The following EPC2 variants were observed in gnomAD, a reference collection of about 807,000 sequenced individuals.
EPC2 encodes enhancer of polycomb homolog 2.
Under a neutral mutation model 92.1 loss-of-function variants are expected in EPC2, and 14 were observed. The ratio of observed to expected loss-of-function variants is 0.15; its 90% CI spans 0.10 to 0.24. The LOEUF is 0.24. Ranked by LOEUF, EPC2 falls within the 10% of genes least tolerant of loss-of-function variation. The pLI, the probability that EPC2 is intolerant of heterozygous loss-of-function variation, is 1.00. For synonymous variants in EPC2, 340 were observed against 334.7 expected (o/e 1.02, Z -0.17); for missense variants, 755 against 971.5 (o/e 0.78, Z 2.96).
At chr2:148,776,245 G>A (rs1395813976) in intron 10 of EPC2, among the ~76,000 whole-genome samples, 1 of 152,102 alleles carries the variant, frequency 6.6e-6, no homozygotes, top group Non-Finnish European at 1.5e-5. Flanking sequence ...CTAGCTAAGG[G>A]TTAGGGTTGC....
chr2:148,660,243 T>A (rs1321297719), intron 1 of EPC2, among the ~76,000 whole-genome samples: 1 of 152,188 alleles, frequency 6.6e-6, no homozygotes, highest in Non-Finnish European at 1.5e-5. Context: ...CTATTTCAGA[T>A]TGAAAAATTT....
intron 1 of EPC2, among the ~76,000 whole-genome samples, chr2:148,669,260 A>G (rs537578808): frequency 6.6e-6 from 1 of 152,154 alleles, no homozygotes; most frequent in South Asian, 2.1e-4. Flanking sequence ...TTTTTCTGCC[A>G]CCTTTTGGAT....
At chr2:148,669,302 C>T (rs1404585878) in intron 1 of EPC2, among the ~76,000 whole-genome samples, 1 of 152,106 alleles carries the variant, frequency 6.6e-6, no homozygotes, top group Admixed American at 6.6e-5. Context: ...TTTTAATATC[C>T]ATTGAATATT....
Position 148,729,442 on chromosome 2 carries a change from G to A in EPC2, c.314-14180G>A, listed in dbSNP as rs537349217. ...TTAGTTTCCTTTAATGTAACATCTT[G>A]CATTACCTGTGTCAGAAGTACATTA... On this transcript the variant is annotated intron_variant, in intron 2 of 13. Coordinates refer to ENST00000258484, the MANE Select transcript of EPC2 (RefSeq NM_015630.4). Among the ~76,000 whole-genome samples, 29 of 152,146 alleles carry A rather than the reference G, an allele frequency of 1.9e-4. No homozygotes were observed. The South Asian group carries it at 5.6e-3, about 29-fold the overall frequency.
At chr2:148,742,684 A>G (rs955509579) in intron 2 of EPC2, among the ~76,000 whole-genome samples, 1 of 151,108 alleles carries the variant, frequency 6.6e-6, no homozygotes, top group African/African-American at 2.4e-5. Flanking sequence ...TGGGAGACTG[A>G]GGTGGGAGAA....
At chr2:148,772,414 T>C (rs1683540327) in intron 10 of EPC2, among the ~76,000 whole-genome samples, 1 of 152,184 alleles carries the variant, frequency 6.6e-6, no homozygotes, top group South Asian at 2.1e-4. Flanking sequence ...TTCTAAATTA[T>C]TTCCTGGATG....
intron 1 of EPC2, among the ~76,000 whole-genome samples, chr2:148,673,146 T>A (rs1681190870): frequency 6.6e-6 from 1 of 152,198 alleles, no homozygotes; most frequent in South Asian, 2.1e-4. Context: ...TTGATTATAA[T>A]TATTATAATG....
intron 10 of EPC2, among the ~76,000 whole-genome samples, chr2:148,778,671 T>C (rs1683693522): frequency 6.6e-6 from 1 of 152,050 alleles, no homozygotes; most frequent in Admixed American, 6.6e-5. Flanking sequence ...TTAGAAAGGA[T>C]GTTTTGTATG....
intron 2 of EPC2, among the ~76,000 whole-genome samples, chr2:148,711,977 G>C (rs1013711767): frequency 1.1e-4 from 16 of 151,734 alleles, no homozygotes; most frequent in Non-Finnish European, 4.4e-5. Flanking sequence ...ATTTAAACTG[G>C]GTTTATTTTA....
intron 1 of EPC2, among the ~76,000 whole-genome samples, chr2:148,673,362 T>C (rs1681194126): frequency 6.6e-6 from 1 of 152,184 alleles, no homozygotes; most frequent in African/African-American, 2.4e-5. Context: ...TCCCTTAGTG[T>C]TTCTTCACAT....
intron 2 of EPC2, among the ~76,000 whole-genome samples, chr2:148,723,827 T>C (rs941220284): frequency 1.3e-5 from 2 of 152,138 alleles, no homozygotes; most frequent in East Asian, 1.9e-4. Context: ...ATTGAGACAA[T>C]TGGATTTATA....
At chr2:148,745,136 A>C (rs1481173724) in intron 3 of EPC2, among the ~76,000 whole-genome samples, 2 of 152,098 alleles carry the variant, frequency 1.3e-5, no homozygotes, top group African/African-American at 4.8e-5. Context: ...GTTCTAAAAA[A>C]GTACCAACTT....
intron 4 of EPC2, 66 bp from the exon 5 acceptor site, chr2:148,761,716 A>T (rs1683303365): frequency 8.6e-7 from 1 of 1,165,390 alleles, no homozygotes; most frequent in African/African-American, 1.6e-5. Context: ...ATAAGAGTTT[A>T]TTGAATAAAG....
chr2:148,670,302 G>A (rs1470679885), intron 1 of EPC2, among the ~76,000 whole-genome samples: 1 of 150,814 alleles, frequency 6.6e-6, no homozygotes, highest in Non-Finnish European at 1.5e-5. Flanking sequence ...TTTGCTGGTT[G>A]CATCAGGTGG....
intron 1 of EPC2, among the ~76,000 whole-genome samples, chr2:148,672,956 C>T (rs919070185): frequency 2.0e-5 from 3 of 152,094 alleles, no homozygotes; most frequent in Admixed American, 2.0e-4. Context: ...AACATTTTGT[C>T]AGATATATCA....
chr2:148,773,165 G>A (rs1424476803), intron 10 of EPC2, among the ~76,000 whole-genome samples: 1 of 151,816 alleles, frequency 6.6e-6, no homozygotes, highest in African/African-American at 2.4e-5. Context: ...CATATGTATT[G>A]GTCCAAAATA....
chr2:148,696,015 C>T (rs1292420407), intron 2 of EPC2, among the ~76,000 whole-genome samples: 2 of 152,208 alleles, frequency 1.3e-5, no homozygotes, highest in Non-Finnish European at 2.9e-5. Context: ...TTCCTCTCTC[C>T]TCAGATTGTG....
chr2:148,699,522 A>C (rs2105376515), intron 2 of EPC2, among the ~76,000 whole-genome samples: 1 of 152,314 alleles, frequency 6.6e-6, no homozygotes, highest in South Asian at 2.1e-4. Context: ...AATAGTTGGA[A>C]TTATATAATA....
chr2:148,738,006 A>G (rs1473805628), intron 2 of EPC2, among the ~76,000 whole-genome samples: 1 of 152,162 alleles, frequency 6.6e-6, no homozygotes, highest in Non-Finnish European at 1.5e-5. Flanking sequence ...TGTCCCCTGC[A>G]GCCATTTTAT....
Sources: gnomAD v4.1 joint callset for allele counts (sites outside exome capture counted in the v4.1 genomes callset) on GRCh38, gnomAD v4.1.1 for gene constraint, MANE v1.5 for transcripts, NCBI Gene and HGNC (gene_info 2026-07-23, HGNC 2026-07-21) for gene names.